The following SUMF1 variants were observed in gnomAD, a reference collection of about 807,000 sequenced individuals.
The protein encoded by SUMF1 is sulfatase modifying factor 1.
In SUMF1, 48 loss-of-function variants were observed where a neutral mutation model predicts 47.6. The ratio of observed to expected loss-of-function variants is 1.01; its 90% confidence interval spans 0.80 to 1.28. The LOEUF is 1.28. Among genes scored for constraint, SUMF1 ranks in the 50% most tolerant of loss-of-function variants. The pLI, the probability that SUMF1 is intolerant of heterozygous loss-of-function variation, is 0.00. For missense variants in SUMF1, 571 were observed against 485.4 expected (o/e 1.18, Z -1.66); for synonymous variants, 230 against 192.1 (o/e 1.20, Z -1.63).
At chr3:4,281,444 A>G (rs1400508561) in intron 8 of SUMF1, among the ~76,000 whole-genome samples, 1 of 152,226 alleles carries the variant, frequency 6.6e-6, no homozygotes, top group Non-Finnish European at 1.5e-5. Flanking sequence ...TTTAGTCCTC[A>G]TAACAATCCT....
intron 9 of SUMF1, among the ~76,000 whole-genome samples, chr3:4,056,221 G>A (rs757581948): frequency 2.0e-5 from 3 of 152,170 alleles, no homozygotes; most frequent in Non-Finnish European, 4.4e-5. Context: ...GCCTAGCAGA[G>A]TTGTCTTCTG....
chr3:4,202,008 G>C (rs1307666733), intron 8 of SUMF1, among the ~76,000 whole-genome samples: 2 of 151,668 alleles, frequency 1.3e-5, no homozygotes, highest in African/African-American at 4.8e-5. Flanking sequence ...GTTATTAATT[G>C]CTTGTCAGAT....
intron 7 of SUMF1, among the ~76,000 whole-genome samples, chr3:4,409,288 C>G (rs1701467888): frequency 6.6e-6 from 1 of 151,968 alleles, no homozygotes; most frequent in Non-Finnish European, 1.5e-5. Context: ...AAATTATATC[C>G]CAGTCAAATG....
At chr3:4,065,712 T>G (rs553123300) in intron 9 of SUMF1, among the ~76,000 whole-genome samples, 8 of 152,208 alleles carry the variant, frequency 5.3e-5, no homozygotes, top group African/African-American at 1.9e-4. Flanking sequence ...ACTGAGTGAT[T>G]TGCATTCATT....
At chr3:4,344,904 C>A (rs1699344387) in intron 8 of SUMF1, among the ~76,000 whole-genome samples, 1 of 151,824 alleles carries the variant, frequency 6.6e-6, no homozygotes, top group African/African-American at 2.4e-5. Context: ...TGTCAATAGC[C>A]AAATACAGCA....
rs35699553 is a variant in SUMF1, at chr3:4,145,191, T to TAA, written c.1015-76448_1015-76447dup. Among the ~76,000 whole-genome samples the TAA allele has an allele frequency of 9.1e-3, 821 of 90,278 alleles. 14 individuals are homozygous for TAA. The highest frequency in any genetic ancestry group is 0.011 in the African/African-American group (267 of 24,026). 59.2% of individuals were successfully genotyped at this position (90,278 alleles called of 152,430 possible). On this transcript the variant is annotated intron_variant and NMD_transcript_variant, in intron 8 of 12. Transcript: ENST00000448413. ...CTGGGCAACAGAGTGAAACTCCGTC[T>TAA]AAAAAAAAAAAAAAAAAAAAAAGCC...
At chr3:4,304,282 C>T (rs1029691491) in intron 8 of SUMF1, among the ~76,000 whole-genome samples, 3 of 152,202 alleles carry the variant, frequency 2.0e-5, no homozygotes, top group African/African-American at 7.2e-5. Context: ...GCTGGGATTA[C>T]AGGCATGGGC....
At chr3:4,231,023 A>G (rs1575000899) in intron 8 of SUMF1, among the ~76,000 whole-genome samples, 1 of 152,206 alleles carries the variant, frequency 6.6e-6, no homozygotes, top group Non-Finnish European at 1.5e-5. Flanking sequence ...TATAGAAGGG[A>G]TAAGAATATT....
chr3:4,364,560 C>T (rs944802698), intron 8 of SUMF1, among the ~76,000 whole-genome samples: 22 of 149,478 alleles, frequency 1.5e-4, no homozygotes, highest in African/African-American at 2.0e-4. Flanking sequence ...TCTGTGGGAT[C>T]GGTGGTGATA....
At chr3:4,352,572 G>A (rs536688171) in intron 8 of SUMF1, among the ~76,000 whole-genome samples, 7 of 152,204 alleles carry the variant, frequency 4.6e-5, no homozygotes, top group Admixed American at 2.0e-4. Flanking sequence ...TTGAGTGGAG[G>A]CTGCAATAGT....
At chr3:4,292,429 A>G (rs1559658499) in intron 8 of SUMF1, among the ~76,000 whole-genome samples, 1 of 152,222 alleles carries the variant, frequency 6.6e-6, no homozygotes, top group Non-Finnish European at 1.5e-5. Flanking sequence ...CTAAGAAGTG[A>G]AAATAAGGTG....
At chr3:4,084,117 TG>T (rs1692622856) in intron 8 of SUMF1, among the ~76,000 whole-genome samples, 2 of 152,148 alleles carry the variant, frequency 1.3e-5, no homozygotes, top group South Asian at 4.1e-4. Context: ...GCTGGTTATC[TG>T]ACCCCCACTC....
intron 8 of SUMF1, among the ~76,000 whole-genome samples, chr3:4,370,631 C>T (rs1451182797): frequency 6.6e-6 from 1 of 152,150 alleles, no homozygotes; most frequent in African/African-American, 2.4e-5. Context: ...AGTGAAAAGA[C>T]ATATACAAGA....
chr3:4,395,449 A>G (rs1701009885), intron 7 of SUMF1, among the ~76,000 whole-genome samples: 1 of 152,220 alleles, frequency 6.6e-6, no homozygotes, highest in Non-Finnish European at 1.5e-5. Flanking sequence ...ACAAGGACCA[A>G]TGAAGAAGGG....
intron 7 of SUMF1, among the ~76,000 whole-genome samples, chr3:4,404,310 T>C (rs763349519): frequency 4.6e-5 from 7 of 152,222 alleles, no homozygotes; most frequent in African/African-American, 9.6e-5. Flanking sequence ...TCACCTTGCT[T>C]TCCCCTTGGC....
chr3:4,336,445 A>C (rs1219263078), intron 8 of SUMF1, among the ~76,000 whole-genome samples: 2 of 152,192 alleles, frequency 1.3e-5, no homozygotes, highest in Non-Finnish European at 2.9e-5. Flanking sequence ...GAGGGAGTAG[A>C]GCAAATGAGG....
chr3:4,248,631 A>G (rs1346946358), intron 8 of SUMF1, among the ~76,000 whole-genome samples: 2 of 152,192 alleles, frequency 1.3e-5, no homozygotes, highest in African/African-American at 4.8e-5. Context: ...GATATAAGAA[A>G]CATCCCACCC....
At chr3:4,265,220 T>C (rs533216846) in intron 8 of SUMF1, among the ~76,000 whole-genome samples, 3 of 152,094 alleles carry the variant, frequency 2.0e-5, no homozygotes, top group Admixed American at 6.5e-5. Context: ...TCCCTGGTTG[T>C]GTGAATATTT....
chr3:4,444,099 G>A (rs1702698719), intron 3 of SUMF1, among the ~76,000 whole-genome samples: 2 of 151,812 alleles, frequency 1.3e-5, no homozygotes, highest in South Asian at 2.1e-4. Context: ...AATTTTCAAG[G>A]GAAAAAAATC....
Sources: gnomAD v4.1 joint callset for allele counts (sites outside exome capture counted in the v4.1 genomes callset) on GRCh38, gnomAD v4.1.1 for gene constraint, MANE v1.5 for transcripts, NCBI Gene and HGNC (gene_info 2026-07-23, HGNC 2026-07-21) for gene names.